TANC2: variants seen among roughly 807,000 people sequenced by gnomAD.
The protein encoded by TANC2 is tetratricopeptide repeat, ankyrin repeat and coiled-coil containing 2, also known as protein TANC2.
Under a neutral mutation model 210.5 loss-of-function variants are expected in TANC2, and 26 were observed. That is an observed-to-expected ratio of 0.12 (90% CI 0.09 to 0.17). The LOEUF (loss-of-function observed/expected upper bound fraction) is 0.17. Ranked by LOEUF, TANC2 falls within the 10% of genes least tolerant of loss-of-function variation. The pLI, the probability that TANC2 is intolerant of heterozygous loss-of-function variation, is 1.00. For missense variants in TANC2, 2,129 were observed against 2,608.9 expected, an observed-to-expected ratio of 0.82 and a Z score of 4.01; for synonymous variants, 931 against 967.1, an observed-to-expected ratio of 0.96 and a Z score of 0.69.
In TANC2 at chr17:63,128,945, T is replaced by C. The variant is rs560814236; in HGVS notation, c.323-22325T>C. ...CTAGAGAGCTATGTGTAAAGAATCT[T>C]ATGTTCTTCTTGGTTCAGTTGCATA... On this transcript the variant is annotated intron_variant, in intron 4 of 27. Coordinates refer to ENST00000689528, the Ensembl canonical transcript of TANC2. Among the ~76,000 whole-genome samples, 4 of 152,300 alleles carry C rather than the reference T, an allele frequency of 2.6e-5. No homozygotes were observed. The South Asian group carries it at 6.2e-4, about 24-fold the overall frequency.
At chr17:63,130,610 A>T (rs1380705295) in intron 4 of TANC2, among the ~76,000 whole-genome samples, 1 of 152,024 alleles carries the variant, frequency 6.6e-6, no homozygotes, top group African/African-American at 2.4e-5. Context: ...CAATCACTTT[A>T]TCTGTTAGTT....
At chr17:63,232,293 T>G (rs1385610410) in intron 7 of TANC2, among the ~76,000 whole-genome samples, 2 of 152,330 alleles carry the variant, frequency 1.3e-5, no homozygotes, top group Non-Finnish European at 2.9e-5. Flanking sequence ...TTCTGTGCCC[T>G]TTGCTGGAGA....
Position 63,205,344 on chromosome 17 carries a change from C to CAAAAAAAAAAAAA in TANC2, c.769+4403_769+4415dup, listed in dbSNP as rs1158768609. On this transcript the variant is annotated intron_variant, in intron 7 of 27. Transcript: ENST00000689528. ...ACTGCTCAAAATTTAACCAAGGAGG[C>CAAAAAAAAAAAAA]AAAAAAAAAAAAAAAAAAAAAAAAA... Among the ~76,000 whole-genome samples the CAAAAAAAAAAAAA allele has an allele frequency of 9.9e-4, 8 of 8,068 alleles. 2 individuals carry two copies. Among genetic ancestry groups the CAAAAAAAAAAAAA allele is most frequent in the African/African-American group, 3.2e-3 (6 of 1,876 alleles). The allele number at this position is 8,068 out of a possible 152,430, so 5.3% of individuals were successfully genotyped here. A position where few individuals can be genotyped will look rare whatever the true frequency, so the allele number is the denominator to read the frequency against.
At chr17:63,204,980 G>A (rs560493331) in intron 7 of TANC2, among the ~76,000 whole-genome samples, 2 of 152,216 alleles carry the variant, frequency 1.3e-5, no homozygotes, top group Admixed American at 6.5e-5. Flanking sequence ...AGCTACTGGG[G>A]AGGCTGAGGC....
chr17:63,267,297 G>A (rs1036016520), intron 8 of TANC2, among the ~76,000 whole-genome samples: 1 of 151,976 alleles, frequency 6.6e-6, no homozygotes, highest in African/African-American at 2.4e-5. Context: ...TTTTGTTACT[G>A]TCTCTGCAGC....
intron 11 of TANC2, among the ~76,000 whole-genome samples, chr17:63,324,133 CA>C (rs2045574851): frequency 1.3e-5 from 2 of 152,162 alleles, no homozygotes; most frequent in Admixed American, 1.3e-4. Context: ...GGTTTTTATG[CA>C]ACTAGAATCT....
intron 5 of TANC2, among the ~76,000 whole-genome samples, chr17:63,165,211 CT>C (rs1419145815): frequency 6.6e-6 from 1 of 151,898 alleles, no homozygotes. Context: ...GAGTTTGGGG[CT>C]GCAGTGAGCT....
intron 4 of TANC2, among the ~76,000 whole-genome samples, chr17:63,128,523 G>T (rs773700805): frequency 1.4e-4 from 22 of 152,176 alleles, no homozygotes; most frequent in Admixed American, 4.6e-4. Flanking sequence ...AAAAAGAAAA[G>T]TTGGAATTCA....
chr17:63,113,674 A>T lies in TANC2; in HGVS notation c.322+14317A>T, dbSNP rs536740737. 7.2e-5 allele frequency among the ~76,000 whole-genome samples: 11 copies of T among 151,936 alleles called. 1 individual carries two copies. In the South Asian group the frequency reaches 2.3e-3, roughly 32 times the overall value. ...AGGCGTGCACCACCATACCTGGCTA[A>T]TTTTTTCATTATTTTGTAGAGATGG... is the stretch of plus-strand genomic sequence containing the variant. On this transcript the variant is annotated intron_variant, in intron 4 of 27. Transcript: ENST00000689528.
chr17:63,425,950 A>T (rs2049132854), exon 28 of TANC2: 1 of 152,110 alleles, frequency 6.6e-6, no homozygotes, highest in Non-Finnish European at 1.5e-5. Context: ...AGAGAGAGTT[A>T]TTTTTCTACT....
At chr17:63,023,765 A>G (rs979922738) in intron 2 of TANC2, among the ~76,000 whole-genome samples, 4 of 152,200 alleles carry the variant, frequency 2.6e-5, no homozygotes, top group African/African-American at 9.6e-5. Context: ...TGGCCTTATA[A>G]CAGAAAATAA....
At chr17:63,321,543 C>T (rs1422580216) in intron 11 of TANC2, among the ~76,000 whole-genome samples, 1 of 152,026 alleles carries the variant, frequency 6.6e-6, no homozygotes, top group Non-Finnish European at 1.5e-5. Context: ...TTGAAATGCC[C>T]AAAAGTCAGT....
chr17:63,301,412 C>T (rs1002135955), intron 9 of TANC2, among the ~76,000 whole-genome samples: 17 of 152,090 alleles, frequency 1.1e-4, no homozygotes, highest in Non-Finnish European at 1.5e-5. Context: ...TGGTCCTGGA[C>T]TTTTTTCAGT....
chr17:63,217,456 G>C (rs1426684877), intron 7 of TANC2, among the ~76,000 whole-genome samples: 1 of 151,934 alleles, frequency 6.6e-6, no homozygotes, highest in African/African-American at 2.4e-5. Flanking sequence ...CTCTACACTG[G>C]GAAGAAACTT....
At chr17:63,205,101 A>G (rs1317072845) in intron 7 of TANC2, among the ~76,000 whole-genome samples, 1 of 152,036 alleles carries the variant, frequency 6.6e-6, no homozygotes, top group Non-Finnish European at 1.5e-5. Flanking sequence ...AAATAAATAA[A>G]TGAAAATAAA....
chr17:63,200,350 T>A (rs2041486543), intron 6 of TANC2, among the ~76,000 whole-genome samples: 2 of 81,676 alleles, frequency 2.4e-5, no homozygotes, highest in African/African-American at 1.1e-4. Context: ...AATGAAACTC[T>A]GTCTCAAAAA....
At chr17:63,120,007 A>T (rs1025887216) in intron 4 of TANC2, among the ~76,000 whole-genome samples, 1 of 151,980 alleles carries the variant, frequency 6.6e-6, no homozygotes, top group Non-Finnish European at 1.5e-5. Flanking sequence ...CTCCAGACCA[A>T]GTGACATAGT....
chr17:63,098,515 GTATATA>G (rs373665673), intron 3 of TANC2, among the ~76,000 whole-genome samples: 1 of 126,754 alleles, frequency 7.9e-6, no homozygotes, highest in African/African-American at 2.9e-5. Context: ...CTCTCTGTGT[GTATATA>G]TATATATATA....
chr17:63,411,584 A>G (rs2147341044), exon 22 of TANC2: 1 of 1,613,970 alleles, frequency 6.2e-7, no homozygotes, highest in East Asian at 2.2e-5. Flanking sequence ...GCCATCTCTC[A>G]GTAGTACGTT....
Sources: gnomAD v4.1 joint callset for allele counts (sites outside exome capture counted in the v4.1 genomes callset) on GRCh38, gnomAD v4.1.1 for gene constraint, MANE v1.5 for transcripts, NCBI Gene and HGNC (gene_info 2026-07-23, HGNC 2026-07-21) for gene names.